The following PTPRR variants were observed in gnomAD, a reference collection of about 807,000 sequenced individuals.
PTPRR encodes the protein protein tyrosine phosphatase receptor type R.
PTPRR carries 38 observed loss-of-function variants against 77.2 expected under a neutral mutation model. That is an observed-to-expected ratio of 0.49 (90% CI 0.38 to 0.65). The LOEUF (loss-of-function observed/expected upper bound fraction) is 0.65. Among genes scored for constraint, PTPRR ranks in the 30% least tolerant of loss-of-function variants. PTPRR has a pLI of 0.00. For synonymous variants in PTPRR, 299 were observed against 283.1 expected, an observed-to-expected ratio of 1.06 and a Z score of -0.57; for missense variants, 744 against 799.2, an observed-to-expected ratio of 0.93 and a Z score of 0.83.
chr12:70,698,465 G>T, intron 7 of PTPRR, 116 bp from the exon 8 acceptor site: 1 of 760,438 alleles, frequency 1.3e-6, no homozygotes, highest in Non-Finnish European at 2.2e-6. Flanking sequence ...AAAAACAACA[G>T]ATCTAGCACC....
At position 70,872,659 on chromosome 12, in the gene PTPRR, C is replaced by T. The variant is rs182702212; in HGVS notation, c.357+20020G>A. Among the ~76,000 whole-genome samples the T allele has an allele frequency of 1.1e-4, 14 of 128,830 alleles. No individual in the cohort carries two copies. In the East Asian group the frequency reaches 3.0e-3, roughly 28 times the overall value. The allele number at this position is 128,830 out of a possible 152,430, so 84.5% of individuals were successfully genotyped here. Reference sequence around the variant, plus strand: ...TGCATGAGCCAAGATCGCACCACTGCACTCCAATCTGGGCGACAGAGTGAG... The same window carrying T: ...TGCATGAGCCAAGATCGCACCACTGTACTCCAATCTGGGCGACAGAGTGAG... On this transcript the variant is annotated intron_variant, in intron 2 of 13. Coordinates refer to ENST00000283228, the MANE Select transcript of PTPRR (RefSeq NM_002849.4).
chr12:70,910,566 C>A (rs1893685847), intron 1 of PTPRR, among the ~76,000 whole-genome samples: 1 of 152,124 alleles, frequency 6.6e-6, no homozygotes, highest in South Asian at 2.1e-4. Context: ...GAGAGGAAGA[C>A]TTTTTATTAT....
chr12:70,682,631 A>G (rs544679819), intron 10 of PTPRR, among the ~76,000 whole-genome samples: 2 of 152,064 alleles, frequency 1.3e-5, no homozygotes, highest in Non-Finnish European at 2.9e-5. Context: ...GCTGTATTAC[A>G]TAAGTTCTAT....
chr12:70,759,693 A>C (rs1402488549), intron 4 of PTPRR, among the ~76,000 whole-genome samples: 8 of 149,940 alleles, frequency 5.3e-5, no homozygotes, highest in African/African-American at 9.8e-5. Flanking sequence ...AAAAAAAAAA[A>C]AAAAAAAAAA....
At chr12:70,720,105 C>T (rs188807673) in intron 6 of PTPRR, among the ~76,000 whole-genome samples, 91 of 152,244 alleles carry the variant, frequency 6.0e-4, no homozygotes, top group Admixed American at 4.1e-3. Context: ...CATTCCTCCA[C>T]TGAAAAAATT....
intron 2 of PTPRR, among the ~76,000 whole-genome samples, chr12:70,833,093 A>C (rs1214054361): frequency 6.6e-6 from 1 of 152,202 alleles, no homozygotes; most frequent in Non-Finnish European, 1.5e-5. Flanking sequence ...ACCTCCCACC[A>C]GACCTCACCT....
At chr12:70,754,557 A>T (rs1565683519) in intron 4 of PTPRR, 1 of 1,594,826 alleles carries the variant, frequency 6.3e-7, no homozygotes, top group Non-Finnish European at 8.5e-7. Flanking sequence ...CTTTCTAAAC[A>T]TCCCTCAGCG....
intron 2 of PTPRR, among the ~76,000 whole-genome samples, chr12:70,799,735 A>AGAGAT (rs1891578733): frequency 6.6e-6 from 1 of 152,184 alleles, no homozygotes; most frequent in Non-Finnish European, 1.5e-5. Flanking sequence ...ATTTCAAAGA[A>AGAGAT]GAGATGAGTT....
At chr12:70,675,577 C>G (rs750692630) in intron 10 of PTPRR, among the ~76,000 whole-genome samples, 11 of 151,982 alleles carry the variant, frequency 7.2e-5, no homozygotes, top group Non-Finnish European at 1.0e-4. Flanking sequence ...ATTTTAAATA[C>G]TATCATTATC....
rs1366287837 is a variant in PTPRR, at chr12:70,638,324, G to A, written c.*860C>T. The A allele has an allele frequency of 1.3e-5, 2 of 152,332 alleles. No individual in the cohort carries two copies. 9.4% of individuals were successfully genotyped at this position (152,332 alleles called of 1,614,324 possible). ...ACCTTTTGTTGAGAGAGAGATTCCA[G>A]GTAGATAGCATATTCAAAAATCCCT... On this transcript the variant is annotated 3_prime_UTR_variant, in exon 14 of 14. Transcript: ENST00000283228.
intron 10 of PTPRR, among the ~76,000 whole-genome samples, chr12:70,665,763 G>A (rs1160823697): frequency 4.0e-5 from 6 of 151,186 alleles, no homozygotes; most frequent in Admixed American, 2.6e-4. Flanking sequence ...GTGAGGAGGC[G>A]GTCTAGCTAG....
intron 2 of PTPRR, among the ~76,000 whole-genome samples, chr12:70,871,937 T>G (rs895448622): frequency 1.3e-5 from 2 of 152,204 alleles, no homozygotes; most frequent in African/African-American, 2.4e-5. Flanking sequence ...TGAAGACAGC[T>G]AGAAGAGTTT....
intron 2 of PTPRR, among the ~76,000 whole-genome samples, chr12:70,850,430 G>A (rs979126767): frequency 2.0e-4 from 30 of 152,120 alleles, no homozygotes; most frequent in African/African-American, 6.5e-4. Flanking sequence ...TTTAAAGCAA[G>A]GTTGCTTGAA....
chr12:70,716,977 T>A (rs1889055507), intron 6 of PTPRR, among the ~76,000 whole-genome samples: 1 of 152,164 alleles, frequency 6.6e-6, no homozygotes, highest in Non-Finnish European at 1.5e-5. Flanking sequence ...AAAGACAAAA[T>A]TAAAATGTTC....
intron 4 of PTPRR, among the ~76,000 whole-genome samples, chr12:70,756,663 G>C (rs1890571358): frequency 6.6e-6 from 1 of 152,050 alleles, no homozygotes; most frequent in Non-Finnish European, 1.5e-5. Context: ...AAGCTGATGG[G>C]TTTTGTTCTA....
At chr12:70,820,904 G>A (rs1891996067) in intron 2 of PTPRR, among the ~76,000 whole-genome samples, 1 of 152,000 alleles carries the variant, frequency 6.6e-6, no homozygotes, top group African/African-American at 2.4e-5. Context: ...TCCTTGCTGG[G>A]TATAAGTCCT....
At chr12:70,774,316 C>G (rs957851636) in intron 2 of PTPRR, among the ~76,000 whole-genome samples, 1 of 152,162 alleles carries the variant, frequency 6.6e-6, no homozygotes, top group Non-Finnish European at 1.5e-5. Context: ...GGGTTGTGTA[C>G]ACACTGCAGA....
chr12:70,734,055 A>G (rs1889779784), intron 6 of PTPRR, among the ~76,000 whole-genome samples: 1 of 152,190 alleles, frequency 6.6e-6, no homozygotes, highest in Non-Finnish European at 1.5e-5. Flanking sequence ...AGTATCTAAG[A>G]TTCAGAACTG....
intron 10 of PTPRR, among the ~76,000 whole-genome samples, chr12:70,674,486 T>C (rs780101546): frequency 2.0e-4 from 31 of 152,322 alleles, no homozygotes; most frequent in Non-Finnish European, 3.4e-4. Flanking sequence ...ATATTATAAA[T>C]TCATTTTCAT....
Sources: gnomAD v4.1 joint callset for allele counts (sites outside exome capture counted in the v4.1 genomes callset) on GRCh38, gnomAD v4.1.1 for gene constraint, MANE v1.5 for transcripts, NCBI Gene and HGNC (gene_info 2026-07-23, HGNC 2026-07-21) for gene names.